Variants in CCDC85A observed in about 807,000 individuals in gnomAD.
CCDC85A encodes coiled-coil domain containing 85A, also known as coiled-coil domain-containing protein 85A.
Under a neutral mutation model 50.2 loss-of-function variants are expected in CCDC85A, and 38 were observed. The ratio of observed to expected loss-of-function variants is 0.76; its 90% CI spans 0.58 to 0.99. The LOEUF is 0.99. CCDC85A is among the 50% of genes least tolerant of loss of function. The pLI is 0.00. For missense variants in CCDC85A, 820 were observed against 742.0 expected (o/e 1.11, Z -1.22); for synonymous variants, 366 against 301.4 (o/e 1.21, Z -2.22).
intron 2 of CCDC85A, among the ~76,000 whole-genome samples, chr2:56,270,078 A>T (rs572282835): frequency 6.6e-6 from 1 of 152,266 alleles, no homozygotes; most frequent in African/African-American, 2.4e-5. Flanking sequence ...TTCATTGCAT[A>T]AATTATTAAG....
chr2:56,309,670 T>G (rs925729838), intron 2 of CCDC85A, among the ~76,000 whole-genome samples: 16 of 152,048 alleles, frequency 1.1e-4, no homozygotes, highest in African/African-American at 3.6e-4. Flanking sequence ...TAGAAAACAG[T>G]TTTAGGAAGG....
intron 2 of CCDC85A, among the ~76,000 whole-genome samples, chr2:56,270,899 A>G (rs905770474): frequency 2.0e-5 from 3 of 152,238 alleles, no homozygotes; most frequent in African/African-American, 4.8e-5. Context: ...GGGAGGGGCT[A>G]ATACATAATC....
At chr2:56,294,855 A>C (rs2104162455) in intron 2 of CCDC85A, among the ~76,000 whole-genome samples, 1 of 152,350 alleles carries the variant, frequency 6.6e-6, no homozygotes, top group Admixed American at 6.5e-5. Flanking sequence ...AGTACATGGT[A>C]ACTACTAAGG....
intron 2 of CCDC85A, among the ~76,000 whole-genome samples, chr2:56,212,545 T>C (rs1345085858): frequency 1.3e-5 from 2 of 152,000 alleles, no homozygotes; most frequent in African/African-American, 4.8e-5. Flanking sequence ...AAATACATAT[T>C]TGGGAGGAAA....
chr2:56,293,269 A>G (rs961789287), intron 2 of CCDC85A, among the ~76,000 whole-genome samples: 4 of 152,352 alleles, frequency 2.6e-5, no homozygotes, highest in Admixed American at 2.0e-4. Context: ...TCCACTGGCT[A>G]GCCATATGCA....
At chr2:56,268,055 C>A (rs188815878) in intron 2 of CCDC85A, among the ~76,000 whole-genome samples, 45 of 152,258 alleles carry the variant, frequency 3.0e-4, no homozygotes, top group African/African-American at 1.0e-3. Context: ...GAAAGAAAAT[C>A]TTAGATCAGA....
Position 56,275,774 on chromosome 2 carries a change from T to G in CCDC85A, c.1241-67105T>G, listed in dbSNP as rs139997899. On this transcript the variant is annotated intron_variant, in intron 2 of 5. Coordinates refer to ENST00000407595, the MANE Select transcript of CCDC85A (RefSeq NM_001080433.2). ...CTTCATCATGACCTTTATAACTAGATTGATCTGTGATAAGTTAGAGCTTGT... is the reference window on the plus strand; with the variant it reads ...CTTCATCATGACCTTTATAACTAGAGTGATCTGTGATAAGTTAGAGCTTGT... 2.7e-4 allele frequency among the ~76,000 whole-genome samples: 41 copies of G among 152,360 alleles called. 1 individual carries two copies. The East Asian group carries it at 7.9e-3, about 29-fold the overall frequency.
chr2:56,237,497 C>G (rs1053617598), intron 2 of CCDC85A, among the ~76,000 whole-genome samples: 1 of 152,166 alleles, frequency 6.6e-6, no homozygotes, highest in Non-Finnish European at 1.5e-5. Context: ...ACAATAATCG[C>G]CAGTGTATGG....
intron 3 of CCDC85A, among the ~76,000 whole-genome samples, chr2:56,361,438 T>A (rs1675522427): frequency 1.3e-5 from 2 of 152,280 alleles, no homozygotes; most frequent in East Asian, 3.9e-4. Flanking sequence ...CAGCTTACAT[T>A]TTAGTAGCTA....
intron 2 of CCDC85A, among the ~76,000 whole-genome samples, chr2:56,197,898 C>CCTTTT (rs1208105098): frequency 2.6e-5 from 4 of 152,156 alleles, no homozygotes; most frequent in African/African-American, 9.7e-5. Context: ...CTTTTTAAAG[C>CCTTTT]CTTTACATCC....
chr2:56,208,610 C>T (rs1381758848), intron 2 of CCDC85A, among the ~76,000 whole-genome samples: 1 of 152,064 alleles, frequency 6.6e-6, no homozygotes, highest in Non-Finnish European at 1.5e-5. Context: ...GCCATAGGGT[C>T]AAGAAATGTC....
At chr2:56,366,028 A>C (rs1409134701) in intron 3 of CCDC85A, among the ~76,000 whole-genome samples, 1 of 151,996 alleles carries the variant, frequency 6.6e-6, no homozygotes, top group Non-Finnish European at 1.5e-5. Flanking sequence ...TCTGTGCCTG[A>C]CTTATTTCAT....
At position 56,199,807 on chromosome 2, in the gene CCDC85A, G is replaced by A. The variant is rs556553817; in HGVS notation, c.1240+6367G>A. Among the ~76,000 whole-genome samples, 13 of 152,198 alleles carry A rather than the reference G, an allele frequency of 8.5e-5. 1 individual carries two copies. Among genetic ancestry groups the A allele is most frequent in the African/African-American group, 2.9e-4 (12 of 41,474 alleles). ...GTGTCCTTCTAAGAGTAAACTGCAT[G>A]AGCTTCAGTGCATAGTCCATATGCC... is the stretch of plus-strand genomic sequence containing the variant. On this transcript the variant is annotated intron_variant, in intron 2 of 5. Transcript: ENST00000407595.
chr2:56,330,218 G>A (rs967833507), intron 2 of CCDC85A, among the ~76,000 whole-genome samples: 1 of 151,980 alleles, frequency 6.6e-6, no homozygotes, highest in African/African-American at 2.4e-5. Flanking sequence ...ATGCTAAATA[G>A]CTCTTCAGAG....
intron 3 of CCDC85A, among the ~76,000 whole-genome samples, chr2:56,368,056 T>G (rs981058845): frequency 7.2e-5 from 11 of 152,136 alleles, no homozygotes; most frequent in African/African-American, 2.7e-4. Context: ...TCACTGTGTT[T>G]CTCTTTCAAC....
chr2:56,345,141 T>C (rs1162115577), intron 3 of CCDC85A, among the ~76,000 whole-genome samples: 1 of 152,194 alleles, frequency 6.6e-6, no homozygotes, highest in Admixed American at 6.5e-5. Flanking sequence ...AGTTATATCC[T>C]TTGAAATACA....
chr2:56,305,675 C>G (rs1267947420), intron 2 of CCDC85A, among the ~76,000 whole-genome samples: 1 of 152,236 alleles, frequency 6.6e-6, no homozygotes, highest in Non-Finnish European at 1.5e-5. Context: ...CAGAATCCAG[C>G]AAATTGTATC....
At chr2:56,372,319 T>C (rs376383172) in intron 3 of CCDC85A, 25 bp from the exon 4 acceptor site, 15 of 1,509,570 alleles carry the variant, frequency 9.9e-6, no homozygotes, top group South Asian at 9.0e-5. Flanking sequence ...TCTGAGTGAT[T>C]GTACCATATT....
At chr2:56,201,696 G>A (rs1472664571) in intron 2 of CCDC85A, among the ~76,000 whole-genome samples, 1 of 152,062 alleles carries the variant, frequency 6.6e-6, no homozygotes, top group Non-Finnish European at 1.5e-5. Flanking sequence ...ATATGTACAT[G>A]CATATTTATA....
Sources: allele counts gnomAD v4.1 joint callset (sites outside exome capture counted in the v4.1 genomes callset), GRCh38; gene constraint gnomAD v4.1.1; transcripts MANE v1.5; gene names NCBI Gene and HGNC (gene_info 2026-07-23, HGNC 2026-07-21).